Variants in NKAIN3 observed in about 807,000 individuals in gnomAD.
NKAIN3 encodes the protein sodium/potassium transporting ATPase interacting 3.
In NKAIN3, 25 loss-of-function variants were observed where a neutral mutation model predicts 30.2. The observed-to-expected ratio is 0.83, with a 90% confidence interval of 0.60 to 1.16. The LOEUF is 1.16. Among genes scored for constraint, NKAIN3 ranks in the 50% most tolerant of loss-of-function variants. The probability of loss-of-function intolerance (pLI) is 0.00; values close to 1 mark genes in which losing one functional copy is unlikely to be tolerated. For missense variants in NKAIN3, 225 were observed against 254.1 expected, an observed-to-expected ratio of 0.89 and a Z score of 0.78; for synonymous variants, 91 against 89.6, an observed-to-expected ratio of 1.02 and a Z score of -0.09.
intron 1 of NKAIN3, among the ~76,000 whole-genome samples, chr8:62,346,845 T>C (rs1001237510): frequency 2.6e-5 from 4 of 152,106 alleles, no homozygotes; most frequent in Non-Finnish European, 4.4e-5. Flanking sequence ...TATCACAAGG[T>C]ACTTGGAATG....
At chr8:62,835,460 T>C (rs1819328705) in intron 4 of NKAIN3, among the ~76,000 whole-genome samples, 1 of 151,680 alleles carries the variant, frequency 6.6e-6, no homozygotes, top group African/African-American at 2.4e-5. Context: ...ATAGGGAACT[T>C]CTTCAATTCA....
At chr8:62,660,798 T>C (rs1812921088) in intron 3 of NKAIN3, among the ~76,000 whole-genome samples, 1 of 152,218 alleles carries the variant, frequency 6.6e-6, no homozygotes, top group Non-Finnish European at 1.5e-5. Flanking sequence ...AGCCATCCTC[T>C]AAGTCCACAT....
intron 1 of NKAIN3, among the ~76,000 whole-genome samples, chr8:62,568,362 T>A (rs1042737160): frequency 7.2e-5 from 11 of 152,180 alleles, no homozygotes; most frequent in African/African-American, 2.7e-4. Context: ...ATATAAAAAA[T>A]TGAAGTGACA....
intron 1 of NKAIN3, among the ~76,000 whole-genome samples, chr8:62,409,785 A>G (rs1804182765): frequency 6.6e-6 from 1 of 151,956 alleles, no homozygotes; most frequent in African/African-American, 2.4e-5. Context: ...TTTTAAAATT[A>G]TTTATTTAAC....
intron 4 of NKAIN3, chr8:62,863,710 A>T (rs772510357): frequency 3.9e-6 from 6 of 1,528,158 alleles, no homozygotes; most frequent in Non-Finnish European, 5.4e-6. Context: ...TATCACGCTG[A>T]GCACTTTTTA....
rs911631137 is a variant in NKAIN3, at chr8:62,977,157, T to C, written c.*11750T>C. Among the ~76,000 whole-genome samples, 2 of 152,306 alleles carry C rather than the reference T, an allele frequency of 1.3e-5. No homozygotes were observed. The highest frequency in any genetic ancestry group is 2.9e-5 in the Non-Finnish European group (2 of 68,030). On this transcript the variant is annotated 3_prime_UTR_variant, in exon 7 of 7. Coordinates refer to ENST00000623646, the MANE Select transcript of NKAIN3 (RefSeq NM_001304533.3). The stretch of plus-strand genomic sequence containing the variant: ...AACCTTGGTGAATCTGACGATTATG[T>C]GTCTTGGGGTTGCTCTTCTCAAAGA...
rs1333297457 is a variant in NKAIN3, at chr8:62,747,225, A to C, written c.471+96A>C. The C allele has an allele frequency of 8.6e-6, 6 of 698,546 alleles. No individual in the cohort carries two copies. The East Asian group carries it at 1.6e-4, about 19-fold the overall frequency. The allele number at this position is 698,546 out of a possible 1,614,324, so 43.3% of individuals were successfully genotyped here. ...CTGATAGAAAATGCCACAGATAAGC[A>C]CACAGAGAACATCCAACAGAAATAG... is the stretch of plus-strand genomic sequence containing the variant. On this transcript the variant is annotated intron_variant, in intron 4 of 6. Coordinates refer to ENST00000623646, the MANE Select transcript of NKAIN3 (RefSeq NM_001304533.3).
At chr8:62,378,048 T>C (rs1817150253) in intron 1 of NKAIN3, among the ~76,000 whole-genome samples, 1 of 152,106 alleles carries the variant, frequency 6.6e-6, no homozygotes. Flanking sequence ...GTTGGGAACA[T>C]TTTAGAGACT....
At chr8:62,717,086 G>A (rs530940155) in intron 3 of NKAIN3, among the ~76,000 whole-genome samples, 44 of 152,246 alleles carry the variant, frequency 2.9e-4, no homozygotes, top group South Asian at 2.5e-3. Flanking sequence ...AAGGGCTTTC[G>A]ATCAAGAAGT....
intron 1 of NKAIN3, among the ~76,000 whole-genome samples, chr8:62,389,604 T>C (rs995313767): frequency 6.6e-6 from 1 of 152,194 alleles, no homozygotes; most frequent in Non-Finnish European, 1.5e-5. Context: ...ACAATAAATA[T>C]ATTTGCAGAA....
At chr8:62,740,169 TAG>T (rs1025190735) in intron 3 of NKAIN3, among the ~76,000 whole-genome samples, 1 of 152,062 alleles carries the variant, frequency 6.6e-6, no homozygotes, top group African/African-American at 2.4e-5. Context: ...AGAAAACAAT[TAG>T]AAAAATAAGA....
At chr8:62,788,055 T>C (rs2130666160) in intron 4 of NKAIN3, among the ~76,000 whole-genome samples, 1 of 152,222 alleles carries the variant, frequency 6.6e-6, no homozygotes, top group South Asian at 2.1e-4. Context: ...ATACACCCAG[T>C]AATGGGGTGG....
At chr8:62,542,729 A>C (rs992508640) in intron 1 of NKAIN3, among the ~76,000 whole-genome samples, 1 of 152,204 alleles carries the variant, frequency 6.6e-6, no homozygotes, top group Non-Finnish European at 1.5e-5. Flanking sequence ...TAAAAATGGG[A>C]TAGTGTCTAC....
intron 1 of NKAIN3, among the ~76,000 whole-genome samples, chr8:62,258,968 G>C (rs944708828): frequency 6.6e-6 from 1 of 152,144 alleles, no homozygotes; most frequent in African/African-American, 2.4e-5. Context: ...TGTGCACTCT[G>C]TACACTGCAC....
intron 4 of NKAIN3, among the ~76,000 whole-genome samples, chr8:62,879,563 A>G (rs1259806457): frequency 6.6e-6 from 1 of 151,926 alleles, no homozygotes; most frequent in Non-Finnish European, 1.5e-5. Context: ...TTGTTGTTGC[A>G]TTATGCTGTT....
intron 1 of NKAIN3, among the ~76,000 whole-genome samples, chr8:62,321,161 C>T (rs565770102): frequency 6.6e-6 from 1 of 152,308 alleles, no homozygotes; most frequent in South Asian, 2.1e-4. Context: ...ACGTACTTCT[C>T]ATGCCATGGT....
At chr8:62,365,775 A>AT (rs11291354) in intron 1 of NKAIN3, among the ~76,000 whole-genome samples, 20,892 of 151,794 alleles carry the variant, frequency 0.14, 1,706 homozygotes, top group East Asian at 0.4. Flanking sequence ...TCACTATAAA[A>AT]TTTTTTTTTT....
intron 1 of NKAIN3, among the ~76,000 whole-genome samples, chr8:62,433,759 A>G (rs1434022766): frequency 6.6e-6 from 1 of 152,156 alleles, no homozygotes; most frequent in Non-Finnish European, 1.5e-5. Flanking sequence ...TTAGTTATTT[A>G]AATTAATTGG....
At chr8:62,427,503 A>G (rs1267734182) in intron 1 of NKAIN3, among the ~76,000 whole-genome samples, 6 of 152,000 alleles carry the variant, frequency 3.9e-5, no homozygotes, top group African/African-American at 1.2e-4. Context: ...AATGTGTATT[A>G]GCTTACTGGG....
Sources: gnomAD v4.1 joint callset for allele counts (sites outside exome capture counted in the v4.1 genomes callset) on GRCh38, gnomAD v4.1.1 for gene constraint, MANE v1.5 for transcripts, NCBI Gene and HGNC (gene_info 2026-07-23, HGNC 2026-07-21) for gene names.